TMEM132C: variants seen among roughly 807,000 people sequenced by gnomAD.
The protein encoded by TMEM132C is protein phosphatase 1, regulatory subunit 152.
Under a neutral mutation model 61.4 loss-of-function variants are expected in TMEM132C, and 29 were observed. That is an observed-to-expected ratio of 0.47 (90% CI 0.35 to 0.64). The LOEUF is 0.64. TMEM132C is among the 30% of genes least tolerant of loss of function. The pLI is 0.00. For missense variants in TMEM132C, 1,408 were observed against 1,476.9 expected, an observed-to-expected ratio of 0.95 and a Z score of 0.76; for synonymous variants, 656 against 633.1, an observed-to-expected ratio of 1.04 and a Z score of -0.54.
At chr12:128,427,982 G>A (rs1262338057) in intron 2 of TMEM132C, among the ~76,000 whole-genome samples, 1 of 152,204 alleles carries the variant, frequency 6.6e-6, no homozygotes, top group Non-Finnish European at 1.5e-5. Flanking sequence ...ACCCAGTGCT[G>A]CCAGGATGGG....
rs117319949 is a variant in TMEM132C at position 128,658,837 on chromosome 12, C to T, written c.1306-10580C>T. Among the ~76,000 whole-genome samples, 24 of 152,338 alleles carry T rather than the reference C, an allele frequency of 1.6e-4. No individual in the cohort carries two copies. In the East Asian group the frequency reaches 3.3e-3, roughly 21 times the overall value. ...CAAATTATCAAGATGCAAATCTATG[C>T]CAAGTTGAGCAAAGGGTGCAGGCTT... On this transcript the variant is annotated intron_variant, in intron 4 of 8. Coordinates refer to ENST00000435159, the MANE Select transcript of TMEM132C (RefSeq NM_001136103.3).
chr12:128,703,830 G>A (rs1034023757), intron 8 of TMEM132C, among the ~76,000 whole-genome samples: 12 of 152,294 alleles, frequency 7.9e-5, no homozygotes, highest in East Asian at 3.9e-4. Context: ...TAATAACTGC[G>A]AACAACACCT....
chr12:128,387,383 G>A (rs1874620579), intron 1 of TMEM132C, among the ~76,000 whole-genome samples: 1 of 152,200 alleles, frequency 6.6e-6, no homozygotes, highest in Non-Finnish European at 1.5e-5. Context: ...TGGAGCACCA[G>A]GCTTGGGAAA....
At chr12:128,344,289 C>G (rs1009554013) in intron 1 of TMEM132C, among the ~76,000 whole-genome samples, 1 of 152,138 alleles carries the variant, frequency 6.6e-6, no homozygotes, top group African/African-American at 2.4e-5. Flanking sequence ...TCCAGAGTAG[C>G]TGGGACTACA....
At chr12:128,479,598 G>A (rs1036855055) in intron 2 of TMEM132C, among the ~76,000 whole-genome samples, 2 of 152,192 alleles carry the variant, frequency 1.3e-5, no homozygotes, top group African/African-American at 4.8e-5. Context: ...TTTTGGCCGC[G>A]GCTGCCTTCA....
At chr12:128,408,773 G>A (rs1868408538) in intron 1 of TMEM132C, among the ~76,000 whole-genome samples, 1 of 152,166 alleles carries the variant, frequency 6.6e-6, no homozygotes, top group Non-Finnish European at 1.5e-5. Flanking sequence ...CAAGGCCTCT[G>A]GGCTGAGAAC....
At chr12:128,649,550 G>C (rs370902108) in intron 4 of TMEM132C, among the ~76,000 whole-genome samples, 43 of 152,308 alleles carry the variant, frequency 2.8e-4, no homozygotes, top group African/African-American at 9.1e-4. Flanking sequence ...GCTGGAGCAG[G>C]CTCTGCCCTT....
intron 2 of TMEM132C, among the ~76,000 whole-genome samples, chr12:128,497,339 C>G (rs1311444386): frequency 6.6e-6 from 1 of 152,196 alleles, no homozygotes; most frequent in Non-Finnish European, 1.5e-5. Context: ...GTTGGGAGAA[C>G]CACTACTCTC....
chr12:128,392,423 C>T (rs759058138), intron 1 of TMEM132C, among the ~76,000 whole-genome samples: 5 of 152,196 alleles, frequency 3.3e-5, no homozygotes, highest in South Asian at 2.1e-4. Flanking sequence ...GACCCCAGAA[C>T]GTCATGGAGG....
rs560624637 is a variant in TMEM132C, at chr12:128,439,202, A to G, written c.974+23582A>G. On this transcript the variant is annotated intron_variant, in intron 2 of 8. Transcript: ENST00000435159. ...GCCAATGGCAAGGAAGGAGCTGCCC[A>G]TCTTTACCTTGAAGCATCTATTTGC... The G allele has an allele frequency of 2.5e-5, 4 of 162,014 alleles. No homozygotes were observed. In the East Asian group the frequency reaches 7.1e-4, roughly 29 times the overall value. The allele number at this position is 162,014 out of a possible 1,614,324, so 10.0% of individuals were successfully genotyped here.
intron 1 of TMEM132C, among the ~76,000 whole-genome samples, chr12:128,407,826 T>G (rs1444341724): frequency 6.6e-6 from 1 of 152,212 alleles, no homozygotes; most frequent in East Asian, 1.9e-4. Flanking sequence ...ATGGGAGAAC[T>G]GCAAAGTCTT....
chr12:128,358,493 T>TTG lies in TMEM132C; in HGVS notation c.86-56207_86-56206dup, dbSNP rs58748919. 1.0e-2 allele frequency among the ~76,000 whole-genome samples: 1,448 copies of TTG among 144,994 alleles called. 16 individuals are homozygous for TTG. The highest frequency in any genetic ancestry group is 0.029 in the African/African-American group (1,124 of 39,180). On this transcript the variant is annotated intron_variant, in intron 1 of 8. Transcript: ENST00000435159. ...GAAGATGCCATGACCACTTTTAAAA[T>TTG]TGTGTGTGTGTGTGTGTGTGTGTGT...
At chr12:128,314,999 T>C (rs1872102513) in intron 1 of TMEM132C, among the ~76,000 whole-genome samples, 1 of 152,132 alleles carries the variant, frequency 6.6e-6, no homozygotes, top group African/African-American at 2.4e-5. Context: ...AATGTGAATT[T>C]CAAAAGGATT....
chr12:128,517,433 T>TCAA (rs754890200), intron 2 of TMEM132C, among the ~76,000 whole-genome samples: 10 of 152,022 alleles, frequency 6.6e-5, no homozygotes, highest in East Asian at 1.9e-4. Context: ...AGACACCATC[T>TCAA]CAACAACAAC....
Position 128,326,793 on chromosome 12 carries a change from A to G in TMEM132C, c.85+59306A>G, listed in dbSNP as rs1325079294. ...TCCCACATCTCGTTACCGACTTCAC[A>G]ATATTTTTTTTTTCTTTCTTAACAA... On this transcript the variant is annotated intron_variant, in intron 1 of 8. Coordinates refer to ENST00000435159, the MANE Select transcript of TMEM132C (RefSeq NM_001136103.3). This position sits in a 1 kb window ranked among gnomAD's most constrained non-coding sequence, Gnocchi z 5.6. Among the ~76,000 whole-genome samples, 6 of 148,328 alleles carry G rather than the reference A, an allele frequency of 4.0e-5. 1 individual carries two copies. Among genetic ancestry groups the G allele is most frequent in the African/African-American group, 1.6e-4 (6 of 37,852 alleles).
chr12:128,277,954 A>G (rs1490921539), intron 1 of TMEM132C, among the ~76,000 whole-genome samples: 2 of 152,006 alleles, frequency 1.3e-5, no homozygotes, highest in Non-Finnish European at 2.9e-5. Flanking sequence ...GCCATCCAAC[A>G]TCCCTCCAAT....
chr12:128,642,200 C>T (rs1476536549), intron 4 of TMEM132C, among the ~76,000 whole-genome samples: 1 of 151,950 alleles, frequency 6.6e-6, no homozygotes, highest in Non-Finnish European at 1.5e-5. Flanking sequence ...GGTGCGATCT[C>T]GGCTCACTGC....
At chr12:128,661,445 G>A (rs912748103) in intron 4 of TMEM132C, among the ~76,000 whole-genome samples, 9 of 152,068 alleles carry the variant, frequency 5.9e-5, no homozygotes, top group Admixed American at 1.3e-4. Flanking sequence ...GGCCTCACAC[G>A]CTGCTGCTCA....
intron 2 of TMEM132C, among the ~76,000 whole-genome samples, chr12:128,425,811 C>A (rs1869163113): frequency 6.6e-6 from 1 of 152,220 alleles, no homozygotes; most frequent in South Asian, 2.1e-4. Flanking sequence ...ATATCCCTGT[C>A]CTTTCTCTTA....
Sources: allele counts gnomAD v4.1 joint callset (sites outside exome capture counted in the v4.1 genomes callset), GRCh38; gene constraint gnomAD v4.1.1; non-coding constraint Gnocchi (gnomAD v3.1); transcripts MANE v1.5; gene names NCBI Gene and HGNC (gene_info 2026-07-23, HGNC 2026-07-21).